TSNARE1: variants seen among roughly 807,000 people sequenced by gnomAD.
TSNARE1 encodes t-SNARE domain containing 1, also known as t-SNARE domain-containing protein 1.
TSNARE1 carries 49 observed loss-of-function variants against 62.0 expected under a neutral mutation model. That is an observed-to-expected ratio of 0.79 (90% CI 0.63 to 1.00). The LOEUF (loss-of-function observed/expected upper bound fraction) is 1.00. Among genes scored for constraint, TSNARE1 ranks in the 50% least tolerant of loss-of-function variants. TSNARE1 has a pLI of 0.00. For missense variants in TSNARE1, 755 were observed against 700.1 expected, an observed-to-expected ratio of 1.08 and a Z score of -0.88; for synonymous variants, 328 against 294.4, an observed-to-expected ratio of 1.11 and a Z score of -1.17.
intron 1 of TSNARE1, among the ~76,000 whole-genome samples, chr8:142,380,506 T>C (rs1836660297): frequency 2.0e-5 from 3 of 151,986 alleles, no homozygotes; most frequent in Admixed American, 6.6e-5. Flanking sequence ...CGCTGCATCC[T>C]GACCCCGCCC....
At chr8:142,330,450 G>A (rs1830851710) in intron 6 of TSNARE1, among the ~76,000 whole-genome samples, 1 of 152,248 alleles carries the variant, frequency 6.6e-6, no homozygotes, top group South Asian at 2.1e-4. Flanking sequence ...GCAGAAGCAA[G>A]ATCGGACGCC....
intron 4 of TSNARE1, among the ~76,000 whole-genome samples, chr8:142,334,005 C>A (rs1019296109): frequency 1.3e-5 from 2 of 152,184 alleles, no homozygotes; most frequent in Admixed American, 1.3e-4. Context: ...AGCCTAAAGG[C>A]GCCTCCTTAC....
chr8:142,301,213 GGCCA>G (rs751239445), intron 9 of TSNARE1, among the ~76,000 whole-genome samples: 1 of 113,604 alleles, frequency 8.8e-6, no homozygotes, highest in African/African-American at 3.5e-5. Flanking sequence ...TCAGGAGCCC[GGCCA>G]CAGTGCCCCC....
intron 10 of TSNARE1, among the ~76,000 whole-genome samples, chr8:142,293,368 C>T (rs932187698): frequency 6.6e-6 from 1 of 152,212 alleles, no homozygotes; most frequent in East Asian, 1.9e-4. Flanking sequence ...GTGTGGGGCA[C>T]GTGGACAGCC....
intron 13 of TSNARE1, among the ~76,000 whole-genome samples, chr8:142,223,024 C>T (rs796543558): frequency 6.5e-4 from 53 of 81,836 alleles, no homozygotes; most frequent in African/African-American, 1.8e-3. Flanking sequence ...ACTCACTCAG[C>T]CACTCACTCA....
At chr8:142,235,977 C>G (rs1048979559) in intron 12 of TSNARE1, among the ~76,000 whole-genome samples, 1 of 152,088 alleles carries the variant, frequency 6.6e-6, no homozygotes, top group Non-Finnish European at 1.5e-5. Flanking sequence ...GCTGCAAGTC[C>G]CCCAGGGGAG....
At chr8:142,364,961 C>A (rs1316798518) in intron 1 of TSNARE1, among the ~76,000 whole-genome samples, 1 of 152,188 alleles carries the variant, frequency 6.6e-6, no homozygotes, top group Non-Finnish European at 1.5e-5. Flanking sequence ...GAATGTCCAA[C>A]AGATGTTAAA....
rs559705397 is a variant in TSNARE1, at chr8:142,272,879, G to C, written c.1446+1902C>G. 30 of 975,522 alleles carry C rather than the reference G, an allele frequency of 3.1e-5. No individual in the cohort carries two copies. The East Asian group carries it at 7.1e-4, about 23-fold the overall frequency. The allele number at this position is 975,522 out of a possible 1,614,324, so 60.4% of individuals were successfully genotyped here. A position where few individuals can be genotyped will look rare whatever the true frequency, so the allele number is the denominator to read the frequency against. Reference sequence around the variant, plus strand: ...ACTTCACAGATGCCTCAACCCTCCTGACACCGTGGGGAAGGCCCCTCGCAG... The same window carrying C: ...ACTTCACAGATGCCTCAACCCTCCTCACACCGTGGGGAAGGCCCCTCGCAG... On this transcript the variant is annotated intron_variant, in intron 12 of 13. Transcript: ENST00000524325.
At chr8:142,220,271 C>T (rs1816150033) in intron 13 of TSNARE1, among the ~76,000 whole-genome samples, 1 of 152,156 alleles carries the variant, frequency 6.6e-6, no homozygotes, top group African/African-American at 2.4e-5. Context: ...AACTGAGGCT[C>T]AGAGAGGGGA....
chr8:142,275,923 T>TA (rs768763925), intron 11 of TSNARE1: 192 of 985,186 alleles, frequency 1.9e-4, no homozygotes, highest in Non-Finnish European at 2.2e-4. Context: ...CAGCAAGGAC[T>TA]CCCTACTCTC....
chr8:142,342,400 G>A (rs1586912786), intron 4 of TSNARE1, among the ~76,000 whole-genome samples: 2 of 152,140 alleles, frequency 1.3e-5, no homozygotes, highest in African/African-American at 4.8e-5. Flanking sequence ...CAGCACTGCG[G>A]TCCTCGCCAC....
chr8:142,226,300 G>A (rs952040040), intron 13 of TSNARE1, among the ~76,000 whole-genome samples: 4 of 152,250 alleles, frequency 2.6e-5, no homozygotes, highest in South Asian at 4.1e-4. Context: ...GAGTGTGGCC[G>A]GGCACACGCA....
intron 10 of TSNARE1, among the ~76,000 whole-genome samples, chr8:142,295,614 C>G (rs1056611700): frequency 5.3e-5 from 8 of 152,250 alleles, no homozygotes; most frequent in African/African-American, 1.9e-4. Context: ...TCAGCCTCCA[C>G]TGGCCGCTGG....
At chr8:142,238,164 G>C (rs114934250) in intron 12 of TSNARE1, among the ~76,000 whole-genome samples, 28 of 152,018 alleles carry the variant, frequency 1.8e-4, no homozygotes, top group African/African-American at 6.8e-4. Flanking sequence ...AAGGAGTGCC[G>C]TCTGTCTCCC....
At chr8:142,317,635 G>C (rs1003045926) in intron 7 of TSNARE1, among the ~76,000 whole-genome samples, 1 of 152,202 alleles carries the variant, frequency 6.6e-6, no homozygotes, top group African/African-American at 2.4e-5. Flanking sequence ...GACCTGGTGT[G>C]GTGGAGCGGA....
At chr8:142,348,988 T>C (rs1833743294) in intron 2 of TSNARE1, among the ~76,000 whole-genome samples, 1 of 152,154 alleles carries the variant, frequency 6.6e-6, no homozygotes, top group Admixed American at 6.5e-5. Flanking sequence ...CATGGGGAAT[T>C]TGTCCAGGCC....
intron 9 of TSNARE1, among the ~76,000 whole-genome samples, chr8:142,309,863 T>C (rs1162811388): frequency 2.0e-5 from 3 of 152,188 alleles, no homozygotes; most frequent in Non-Finnish European, 2.9e-5. Flanking sequence ...CCCATACAGC[T>C]ATTGAGGTCT....
intron 1 of TSNARE1, among the ~76,000 whole-genome samples, chr8:142,361,589 G>C (rs572405889): frequency 6.6e-6 from 1 of 152,210 alleles, no homozygotes; most frequent in Non-Finnish European, 1.5e-5. Context: ...CTGAGCTCAC[G>C]CATGGGCTTT....
At position 142,242,947 on chromosome 8, in the gene TSNARE1, C is replaced by CAAAA. The variant is rs35092120; in HGVS notation, c.1447-13372_1447-13369dup. The stretch of plus-strand genomic sequence containing the variant: ...GGGCAACAAGAGTGAAACTCTGTCT[C>CAAAA]AAAAAAAAAAAAAAAAAAAAAAAGC... On this transcript the variant is annotated intron_variant, in intron 12 of 13. Transcript: ENST00000524325. Among the ~76,000 whole-genome samples, 84 of 51,168 alleles carry CAAAA rather than the reference C, an allele frequency of 1.6e-3. 3 individuals are homozygous for CAAAA. Among genetic ancestry groups the CAAAA allele is most frequent in the African/African-American group, 3.2e-3 (39 of 12,310 alleles). The allele number at this position is 51,168 out of a possible 152,430, so 33.6% of individuals were successfully genotyped here. A position where few individuals can be genotyped will look rare whatever the true frequency, so the allele number is the denominator to read the frequency against.
Sources: gnomAD v4.1 joint callset for allele counts (sites outside exome capture counted in the v4.1 genomes callset) on GRCh38, gnomAD v4.1.1 for gene constraint, MANE v1.5 for transcripts, NCBI Gene and HGNC (gene_info 2026-07-23, HGNC 2026-07-21) for gene names.